Variants in LMBRD1 observed in about 807,000 individuals in gnomAD.
The protein encoded by LMBRD1 is lysosomal cobalamin transport escort protein LMBD1.
In LMBRD1, 64 loss-of-function variants were observed where a neutral mutation model predicts 74.8. That is an observed-to-expected ratio of 0.86 (90% confidence interval 0.70 to 1.05). The LOEUF is 1.05. Among genes scored for constraint, LMBRD1 ranks in the 50% least tolerant of loss-of-function variants. The probability of loss-of-function intolerance (pLI) is 0.00; values close to 1 mark genes in which losing one functional copy is unlikely to be tolerated. For missense variants in LMBRD1, 652 were observed against 645.9 expected, an observed-to-expected ratio of 1.01 and a Z score of -0.10; for synonymous variants, 204 against 216.3, an observed-to-expected ratio of 0.94 and a Z score of 0.50.
At chr6:69,705,483 T>A (rs759445106) in intron 9 of LMBRD1, 112 of 1,263,966 alleles carry the variant, frequency 8.9e-5, no homozygotes, top group Admixed American at 6.6e-4. Flanking sequence ...TTTTTCCTGT[T>A]TTTTGAAGGA....
intron 13 of LMBRD1, 55 bp from the exon 14 acceptor site, chr6:69,697,696 G>T: frequency 3.9e-6 from 4 of 1,027,094 alleles, no homozygotes; most frequent in Non-Finnish European, 6.1e-6. Flanking sequence ...AATACATTTG[G>T]ATTTAAAAAG....
At chr6:69,706,109 G>A (rs1248687056) in intron 9 of LMBRD1, 3 of 626,976 alleles carry the variant, frequency 4.8e-6, no homozygotes, top group African/African-American at 3.6e-5. Context: ...CAACCAAATA[G>A]ATAGTTCCAG....
chr6:69,722,084 G>C (rs931685712), intron 7 of LMBRD1, among the ~76,000 whole-genome samples: 2 of 152,066 alleles, frequency 1.3e-5, no homozygotes, highest in Non-Finnish European at 2.9e-5. Flanking sequence ...CCAATTCCTG[G>C]CTCCCAGACA....
rs943409667 is a variant in LMBRD1 at position 69,770,192 on chromosome 6, C to A, written c.307+10302G>T. ...AGATTGTCACTTCCATAAACAATAG[C>A]ACTAGAAGTGAGCACCACCCAACTG... On this transcript the variant is annotated intron_variant, in intron 3 of 15. Coordinates refer to ENST00000649934, the MANE Select transcript of LMBRD1 (RefSeq NM_018368.4). Among the ~76,000 whole-genome samples the A allele has an allele frequency of 2.0e-5, 3 of 152,298 alleles. No individual in the cohort carries two copies. In the East Asian group the frequency reaches 5.8e-4, roughly 29 times the overall value.
intron 7 of LMBRD1, among the ~76,000 whole-genome samples, chr6:69,724,373 G>A: frequency 7.4e-6 from 1 of 135,906 alleles, no homozygotes; most frequent in African/African-American, 2.6e-5. Flanking sequence ...AAACACTACA[G>A]GCCAATATTC....
At chr6:69,763,856 T>C (rs1254730087) in intron 3 of LMBRD1, among the ~76,000 whole-genome samples, 1 of 152,196 alleles carries the variant, frequency 6.6e-6, no homozygotes, top group Admixed American at 6.5e-5. Context: ...CTTTTTTCCT[T>C]CTGAATTTTC....
intron 3 of LMBRD1, among the ~76,000 whole-genome samples, chr6:69,779,197 A>C (rs1258427376): frequency 6.6e-6 from 1 of 151,820 alleles, no homozygotes; most frequent in Non-Finnish European, 1.5e-5. Context: ...AAAAAAAAAA[A>C]AAAACAATTC....
chr6:69,740,907 C>T (rs993463628), intron 6 of LMBRD1, among the ~76,000 whole-genome samples: 4 of 151,990 alleles, frequency 2.6e-5, no homozygotes, highest in African/African-American at 4.8e-5. Context: ...TTTTCTTAAC[C>T]TAATCCGTGA....
At chr6:69,693,094 T>C (rs143062508) in intron 14 of LMBRD1, among the ~76,000 whole-genome samples, 218 of 152,264 alleles carry the variant, frequency 1.4e-3, no homozygotes, top group Non-Finnish European at 2.6e-3. Context: ...CTTGGAATAA[T>C]AGCAGTAAAA....
At chr6:69,723,360 G>C (rs1766659278) in intron 7 of LMBRD1, among the ~76,000 whole-genome samples, 1 of 152,114 alleles carries the variant, frequency 6.6e-6, no homozygotes, top group Non-Finnish European at 1.5e-5. Context: ...AGTGTCTGTG[G>C]AATACATATT....
At chr6:69,756,127 G>A (rs760536039) in intron 3 of LMBRD1, among the ~76,000 whole-genome samples, 2 of 152,074 alleles carry the variant, frequency 1.3e-5, no homozygotes, top group Admixed American at 6.5e-5. Context: ...TTGGGAAGCC[G>A]AGGCAGGCAG....
At chr6:69,709,211 G>A (rs1766329489) in intron 9 of LMBRD1, among the ~76,000 whole-genome samples, 1 of 151,106 alleles carries the variant, frequency 6.6e-6, no homozygotes, top group Non-Finnish European at 1.5e-5. Context: ...TCCAGCCTGG[G>A]CAACAAGAGC....
chr6:69,796,987 A>T lies in LMBRD1; in HGVS notation c.-106T>A. 2 of 941,570 alleles carry T rather than the reference A, an allele frequency of 2.1e-6. No homozygotes were observed. Among genetic ancestry groups the T allele is most frequent in the Non-Finnish European group, 3.3e-6 (2 of 602,772 alleles). The allele number at this position is 941,570 out of a possible 1,614,324, so 58.3% of individuals were successfully genotyped here. A position where few individuals can be genotyped will look rare whatever the true frequency, so the allele number is the denominator to read the frequency against. On this transcript the variant is annotated 5_prime_UTR_variant, in exon 1 of 16. Transcript: ENST00000649934. ...TGCACCCGCGCACCCTAAAGGTTAA[A>T]GGGGCGGAGGGGGAGGAGCAAGTGG...
intron 3 of LMBRD1, among the ~76,000 whole-genome samples, chr6:69,777,488 T>G (rs1765730424): frequency 6.7e-6 from 1 of 150,328 alleles, no homozygotes; most frequent in African/African-American, 2.4e-5. Context: ...CTGAAGCTGC[T>G]CTTGGGAGTT....
chr6:69,693,389 T>C (rs1213889374), intron 14 of LMBRD1, among the ~76,000 whole-genome samples: 1 of 152,020 alleles, frequency 6.6e-6, no homozygotes, highest in Non-Finnish European at 1.5e-5. Context: ...AAATGTCAGA[T>C]CGCCTCATAT....
intron 2 of LMBRD1, among the ~76,000 whole-genome samples, chr6:69,785,949 G>A (rs936339655): frequency 2.6e-5 from 4 of 151,998 alleles, no homozygotes; most frequent in Non-Finnish European, 5.9e-5. Context: ...TTACTAGATT[G>A]GCTCCTCATC....
At chr6:69,752,574 A>C (rs1179150297) in intron 3 of LMBRD1, among the ~76,000 whole-genome samples, 1 of 152,216 alleles carries the variant, frequency 6.6e-6, no homozygotes, top group Non-Finnish European at 1.5e-5. Flanking sequence ...CCCATAATTC[A>C]AGTTAACTTT....
intron 3 of LMBRD1, among the ~76,000 whole-genome samples, chr6:69,765,162 C>G (rs921558080): frequency 1.3e-5 from 2 of 152,018 alleles, no homozygotes; most frequent in African/African-American, 4.8e-5. Flanking sequence ...AACTCCTGAC[C>G]TCAAGTGATC....
chr6:69,726,064 A>G (rs1582092254), intron 7 of LMBRD1, among the ~76,000 whole-genome samples: 2 of 152,362 alleles, frequency 1.3e-5, no homozygotes, highest in South Asian at 4.1e-4. Flanking sequence ...CATATTAAAA[A>G]GTGGGCCAAA....
Sources: allele counts gnomAD v4.1 joint callset (sites outside exome capture counted in the v4.1 genomes callset), GRCh38; gene constraint gnomAD v4.1.1; transcripts MANE v1.5; gene names NCBI Gene and HGNC (gene_info 2026-07-23, HGNC 2026-07-21).